Variants in MAP2K5 observed in about 807,000 individuals in gnomAD.
MAP2K5 encodes mitogen-activated protein kinase kinase 5, also known as dual specificity mitogen-activated protein kinase kinase 5.
In MAP2K5, 49 loss-of-function variants were observed where a neutral mutation model predicts 83.1. The observed-to-expected ratio is 0.59, with a 90% CI of 0.47 to 0.75. MAP2K5 has a LOEUF of 0.75. MAP2K5 is among the 30% of genes least tolerant of loss of function. The probability of loss-of-function intolerance (pLI) is 0.00; values close to 1 mark genes in which losing one functional copy is unlikely to be tolerated. For synonymous variants in MAP2K5, 202 were observed against 191.8 expected, an observed-to-expected ratio of 1.05 and a Z score of -0.44; for missense variants, 457 against 557.5, an observed-to-expected ratio of 0.82 and a Z score of 1.82.
intron 4 of MAP2K5, among the ~76,000 whole-genome samples, 194 bp downstream of exon 4, chr15:67,581,017 GTAAAT>G (rs1453485504): frequency 6.6e-6 from 1 of 152,162 alleles, no homozygotes; most frequent in Non-Finnish European, 1.5e-5. Flanking sequence ...ATTTACTAGA[GTAAAT>G]TAAACTAACT....
Position 67,693,562 on chromosome 15 carries a change from T to C in MAP2K5, c.966T>C (p.Tyr322=), listed in dbSNP as rs2088168340. ...IAKTYVGTNA[Y]MAPERISGEQ... ...AGACGTATGTTGGAACAAATGCTTA[T>C]ATGGCGGTAAGTAAACTTATGCAAA... Residue 322 remains tyrosine (Y), a synonymous_variant, in exon 15 of 22, where the codon TAT becomes TAC. Transcript: ENST00000178640. The C allele has an allele frequency of 1.2e-6, 2 of 1,611,022 alleles. No homozygotes were observed. Among genetic ancestry groups the C allele is most frequent in the South Asian group, 1.1e-5 (1 of 90,858 alleles).
At chr15:67,753,481 C>T (rs2089766716) in intron 19 of MAP2K5, among the ~76,000 whole-genome samples, 1 of 151,962 alleles carries the variant, frequency 6.6e-6, no homozygotes, top group Admixed American at 6.6e-5. Flanking sequence ...AGAGCTCTTA[C>T]AACTCAATGA....
chr15:67,620,723 T>C (rs1025292135), intron 8 of MAP2K5, among the ~76,000 whole-genome samples: 2 of 152,192 alleles, frequency 1.3e-5, no homozygotes, highest in African/African-American at 4.8e-5. Flanking sequence ...AGTTAAAACA[T>C]TCTAAGATTT....
At chr15:67,654,203 C>T (rs928770936) in intron 11 of MAP2K5, among the ~76,000 whole-genome samples, 1 of 152,068 alleles carries the variant, frequency 6.6e-6, no homozygotes, top group African/African-American at 2.4e-5. Context: ...TATATTTTGG[C>T]ACTCCGTTGT....
intron 21 of MAP2K5, among the ~76,000 whole-genome samples, chr15:67,784,519 G>A (rs1278560040): frequency 2.0e-5 from 3 of 152,182 alleles, no homozygotes; most frequent in South Asian, 2.1e-4. Context: ...CTGCAGGGCC[G>A]TGGTCGAGGC....
At chr15:67,671,926 C>T (rs2087549896) in intron 13 of MAP2K5, among the ~76,000 whole-genome samples, 1 of 150,654 alleles carries the variant, frequency 6.6e-6, no homozygotes, top group Non-Finnish European at 1.5e-5. Context: ...GGTTTTTTGT[C>T]CTCATGATAG....
chr15:67,806,902 C>T lies in MAP2K5; in HGVS notation c.*152C>T. The T allele has an allele frequency of 6.3e-7, 1 of 1,592,656 alleles. No individual in the cohort carries two copies. Among genetic ancestry groups the T allele is most frequent in the Non-Finnish European group, 8.5e-7 (1 of 1,177,426 alleles). ...CACCTCTGTCAGCAGGTGGCCTTGC[C>T]TGGGGAGCCCCATGTGTGGCCCACC... is the stretch of plus-strand genomic sequence containing the variant. On this transcript the variant is annotated 3_prime_UTR_variant, in exon 22 of 22. Coordinates refer to ENST00000178640, the MANE Select transcript of MAP2K5 (RefSeq NM_145160.3).
intron 11 of MAP2K5, among the ~76,000 whole-genome samples, chr15:67,655,618 TTC>T (rs2087053396): frequency 6.6e-6 from 1 of 152,216 alleles, no homozygotes; most frequent in Non-Finnish European, 1.5e-5. Context: ...GAAATGTCAC[TTC>T]TCTTGCTGCT....
rs2085306986 is a variant in MAP2K5, at chr15:67,587,090, G to C, written c.431+177G>C. Among the ~76,000 whole-genome samples the C allele has an allele frequency of 6.6e-6, 1 of 152,202 alleles. No individual in the cohort carries two copies. Among genetic ancestry groups the C allele is most frequent in the Non-Finnish European group, 1.5e-5 (1 of 68,038 alleles). ...TTAGATTTAGACTGGGTGCTGAGAA[G>C]GCTCTCTGGGGAGAGTGACGTTTCT... On this transcript the variant is annotated intron_variant, in intron 6 of 21. Transcript: ENST00000178640. The surrounding 1 kb of genome is among the most constrained non-coding windows in gnomAD (Gnocchi z 4.8).
chr15:67,688,628 T>G (rs2088018266), intron 13 of MAP2K5, among the ~76,000 whole-genome samples: 1 of 152,224 alleles, frequency 6.6e-6, no homozygotes, highest in Admixed American at 6.5e-5. Context: ...CTTGGTTGAT[T>G]ACCAATTGAT....
Position 67,702,097 on chromosome 15 carries a change from A to G in MAP2K5, c.973-1240A>G, listed in dbSNP as rs1042206821. ...AGTACCTAGCCCAGTGTCTGACACT[A>G]GTAAGTGGTCATTAAATGATAGCTA... On this transcript the variant is annotated intron_variant, in intron 15 of 21. Coordinates refer to ENST00000178640, the MANE Select transcript of MAP2K5 (RefSeq NM_145160.3). This position sits in a 1 kb window ranked among gnomAD's most constrained non-coding sequence, Gnocchi z 4.6. 2.6e-5 allele frequency among the ~76,000 whole-genome samples: 4 copies of G among 152,248 alleles called. No individual in the cohort carries two copies. Among genetic ancestry groups the G allele is most frequent in the African/African-American group, 9.6e-5 (4 of 41,472 alleles).
chr15:67,776,912 G>T (rs1213580758), intron 21 of MAP2K5, among the ~76,000 whole-genome samples: 1 of 152,182 alleles, frequency 6.6e-6, no homozygotes, highest in Non-Finnish European at 1.5e-5. Flanking sequence ...AACCGAGGGG[G>T]CAGCCCTTGA....
rs77797361 is a variant in MAP2K5 at position 67,705,873 on chromosome 15, C to T, written c.1044+2465C>T. ...GCACCAAGATAGAGTACACTCTCAG[C>T]GTATTTAAGGAAGAGAGAGACCAGT... On this transcript the variant is annotated intron_variant, in intron 16 of 21. Transcript: ENST00000178640. Among the ~76,000 whole-genome samples the T allele has an allele frequency of 8.2e-3, 1,252 of 152,144 alleles. 9 individuals carry two copies. Among genetic ancestry groups the T allele is most frequent in the Non-Finnish European group, 0.012 (810 of 68,016 alleles).
chr15:67,772,662 C>G lies in MAP2K5; in HGVS notation c.1197-45C>G, dbSNP rs542727039. The G allele has an allele frequency of 1.7e-5, 23 of 1,322,308 alleles. No individual in the cohort carries two copies. In the South Asian group the frequency reaches 3.4e-4, roughly 19 times the overall value. 81.9% of individuals were successfully genotyped at this position (1,322,308 alleles called of 1,614,324 possible). ...TGGTAGAAATTATAGCAAAAATATA[C>G]AAATGACACAGATAACATAAGGGGT... is the stretch of plus-strand genomic sequence containing the variant. On this transcript the variant is annotated intron_variant, in intron 20 of 21. Transcript: ENST00000178640.
intron 21 of MAP2K5, among the ~76,000 whole-genome samples, chr15:67,797,162 C>T (rs2090619081): frequency 6.6e-6 from 1 of 152,234 alleles, no homozygotes; most frequent in South Asian, 2.1e-4. Flanking sequence ...TCTGATCACT[C>T]CCTTCTTACA....
chr15:67,726,998 A>G (rs551195696), intron 16 of MAP2K5, among the ~76,000 whole-genome samples: 1 of 152,152 alleles, frequency 6.6e-6, no homozygotes, highest in African/African-American at 2.4e-5. Context: ...CAGGAGCTCA[A>G]GACCAGCCTG....
intron 8 of MAP2K5, chr15:67,628,551 T>C (rs905087661): frequency 6.9e-6 from 7 of 1,010,932 alleles, no homozygotes; most frequent in Admixed American, 3.4e-5. Context: ...TTGAATAATA[T>C]GGAAAAATTG....
rs745419455 is a variant in MAP2K5, at chr15:67,806,810, G to T, written c.*60G>T. ...AACCAAGGAGAACAACCCACCCGTCGCCCTTCTCCGTATGCTGCCTGCGCC... is the reference window on the plus strand; with the variant it reads ...AACCAAGGAGAACAACCCACCCGTCTCCCTTCTCCGTATGCTGCCTGCGCC... On this transcript the variant is annotated 3_prime_UTR_variant, in exon 22 of 22. Transcript: ENST00000178640. The T allele has an allele frequency of 1.9e-6, 3 of 1,597,836 alleles. No individual in the cohort carries two copies. Among genetic ancestry groups the T allele is most frequent in the Admixed American group, 1.7e-5 (1 of 59,846 alleles).
chr15:67,643,797 G>A (rs1340833802), intron 9 of MAP2K5, among the ~76,000 whole-genome samples: 2 of 151,870 alleles, frequency 1.3e-5, no homozygotes, highest in African/African-American at 2.4e-5. Flanking sequence ...CCCACCTTCC[G>A]CTTCCCCAAA....
Sources: gnomAD v4.1 joint callset for allele counts (sites outside exome capture counted in the v4.1 genomes callset) on GRCh38, gnomAD v4.1.1 for gene constraint, Gnocchi (gnomAD v3.1) non-coding constraint, MANE v1.5 for transcripts, NCBI Gene and HGNC (gene_info 2026-07-23, HGNC 2026-07-21) for gene names.